Variants in PCDHGA3 observed in about 807,000 individuals in gnomAD.
PCDHGA3 encodes protocadherin gamma-A3.
PCDHGA3 carries 40 observed loss-of-function variants against 58.5 expected under a neutral mutation model. That is an observed-to-expected ratio of 0.68 (90% CI 0.53 to 0.89). The LOEUF is 0.89. Ranked by LOEUF, PCDHGA3 falls within the 40% of genes least tolerant of loss-of-function variation. PCDHGA3 has a pLI of 0.00. For missense variants in PCDHGA3, 1,223 were observed against 1,195.9 expected, an observed-to-expected ratio of 1.02 and a Z score of -0.33; for synonymous variants, 530 against 525.7, an observed-to-expected ratio of 1.01 and a Z score of -0.11.
Position 141,423,156 on chromosome 5 carries a change from CGTG to C in PCDHGA3, c.2425-71646_2425-71644del, listed in dbSNP as rs776903094. On this transcript the variant is annotated intron_variant, in intron 1 of 3. Coordinates refer to ENST00000253812, the MANE Select transcript of PCDHGA3 (RefSeq NM_018916.4). ...ACAGAGACGCGCTCAAGCAGAGCCT[CGTG>C]GTGGCCGTCCAGGACCACGGCCAGC... 8.2e-4 allele frequency: 1,328 copies of C among 1,613,396 alleles called. 15 individuals are homozygous for C. Among genetic ancestry groups the C allele is most frequent in the Admixed American group, 9.5e-4 (57 of 60,016 alleles).
intron 1 of PCDHGA3, chr5:141,427,447 T>A (rs556527924): frequency 1.9e-4 from 92 of 483,324 alleles, no homozygotes; most frequent in African/African-American, 1.4e-3. Context: ...AACGAAAGAG[T>A]TCCTTTTAGA....
At chr5:141,412,133 C>T (rs2095537829) in intron 1 of PCDHGA3, 1 of 152,184 alleles carries the variant, frequency 6.6e-6, no homozygotes, top group African/African-American at 2.4e-5. Flanking sequence ...GGACTTTGGC[C>T]TCTGATACAA....
rs1328089059 is a variant in PCDHGA3, at chr5:141,478,532, G to A, written c.2425-16275G>A. 4.4e-6 allele frequency: 7 copies of A among 1,607,742 alleles called. No homozygotes were observed. The East Asian group carries it at 1.6e-4, about 36-fold the overall frequency. On this transcript the variant is annotated intron_variant, in intron 1 of 3. Coordinates refer to ENST00000253812, the MANE Select transcript of PCDHGA3 (RefSeq NM_018916.4). Reference sequence around the variant, plus strand: ...TAGGCAGGTGTTGGGTGCAGAGAGCGCCCCTCCCGGACAGGTAAGGTTTAG... The same window carrying A: ...TAGGCAGGTGTTGGGTGCAGAGAGCACCCCTCCCGGACAGGTAAGGTTTAG...
rs1199756501 is a variant in PCDHGA3 at position 141,493,222 on chromosome 5, C to A, written c.2425-1585C>A. Among the ~76,000 whole-genome samples the A allele has an allele frequency of 6.6e-6, 1 of 152,194 alleles. No individual in the cohort carries two copies. Among genetic ancestry groups the A allele is most frequent in the East Asian group, 1.9e-4 (1 of 5,196 alleles). ...ACCTCATCTCATTTGCTCTTCCCAC[C>A]ATTGCTGTTGGCTAGGTACTAACAT... On this transcript the variant is annotated intron_variant, in intron 1 of 3. Coordinates refer to ENST00000253812, the MANE Select transcript of PCDHGA3 (RefSeq NM_018916.4). This position sits in a 1 kb window ranked among gnomAD's most constrained non-coding sequence, Gnocchi z 4.3.
chr5:141,384,576 G>GCCCGAGAT (rs1429173266), intron 1 of PCDHGA3: 3 of 1,614,060 alleles, frequency 1.9e-6, no homozygotes, highest in Non-Finnish European at 2.5e-6. Context: ...ATGACAACCC[G>GCCCGAGAT]CCCGAGATCC....
At chr5:141,356,145 T>C (rs1358999264) in intron 1 of PCDHGA3, 3 of 1,613,584 alleles carry the variant, frequency 1.9e-6, no homozygotes, top group Non-Finnish European at 2.5e-6. Context: ...CTGGATTCTA[T>C]GACATAGATG....
intron 1 of PCDHGA3, chr5:141,392,710 C>T: frequency 7.4e-7 from 1 of 1,345,380 alleles, no homozygotes; most frequent in Non-Finnish European, 9.8e-7. Flanking sequence ...TGGAGGCACT[C>T]CAGGTTTCCG....
intron 1 of PCDHGA3, chr5:141,426,221 A>G (rs1279749881): frequency 6.3e-6 from 1 of 158,300 alleles, no homozygotes; most frequent in Non-Finnish European, 1.4e-5. Context: ...GGAAGTAAAT[A>G]TTTTAAAAGC....
intron 1 of PCDHGA3, chr5:141,400,327 G>A: frequency 6.2e-7 from 1 of 1,614,074 alleles, no homozygotes. Context: ...GTCTGGACCT[G>A]TGGTTCCCCC....
intron 1 of PCDHGA3, chr5:141,364,163 A>G (rs1042010311): frequency 7.4e-6 from 5 of 674,008 alleles, no homozygotes; most frequent in African/African-American, 1.9e-5. Context: ...CGCAGAGGCG[A>G]CCCGACTCTG....
rs1233801398 is a variant in PCDHGA3, at chr5:141,431,238, C to T, written c.2425-63569C>T. The stretch of plus-strand genomic sequence containing the variant: ...TTCCCTCTACCCCACGCCTGGGATC[C>T]GGATATCGGGAAGAACTCTCTGCAG... On this transcript the variant is annotated intron_variant, in intron 1 of 3. Coordinates refer to ENST00000253812, the MANE Select transcript of PCDHGA3 (RefSeq NM_018916.4). This position sits in a 1 kb window ranked among gnomAD's most constrained non-coding sequence, Gnocchi z 4.8. The T allele has an allele frequency of 3.7e-6, 6 of 1,614,156 alleles. No homozygotes were observed. Among genetic ancestry groups the T allele is most frequent in the Non-Finnish European group, 8.5e-7 (1 of 1,180,038 alleles).
rs1228153118 is a variant in PCDHGA3 at position 141,433,077 on chromosome 5, C to G, written c.2425-61730C>G. 5.0e-6 allele frequency: 8 copies of G among 1,614,080 alleles called. No homozygotes were observed. The African/African-American group carries it at 6.7e-5, about 13-fold the overall frequency. On this transcript the variant is annotated intron_variant, in intron 1 of 3. Transcript: ENST00000253812. Reference sequence around the variant, plus strand: ...AAGAGTCACCTGATCTTCCCCCAGCCCAACTATGCAGACATGCTCGTCAGC... The same window carrying G: ...AAGAGTCACCTGATCTTCCCCCAGCGCAACTATGCAGACATGCTCGTCAGC...
chr5:141,460,686 C>A (rs2098995566), intron 1 of PCDHGA3, among the ~76,000 whole-genome samples: 1 of 151,698 alleles, frequency 6.6e-6, no homozygotes, highest in Admixed American at 6.6e-5. Context: ...TCTATATATC[C>A]ACCAACAGTT....
chr5:141,351,441 C>G (rs768328873), intron 1 of PCDHGA3: 11 of 1,612,464 alleles, frequency 6.8e-6, no homozygotes, highest in Non-Finnish European at 8.5e-6. Flanking sequence ...GAATCCACCT[C>G]GAAGAATTAT....
intron 1 of PCDHGA3, chr5:141,393,188 T>C: frequency 6.2e-7 from 1 of 1,613,358 alleles, no homozygotes; most frequent in South Asian, 1.1e-5. Context: ...AAATAATTGA[T>C]ATTAACGATA....
At chr5:141,374,195 G>A in intron 1 of PCDHGA3, 1 of 1,613,870 alleles carries the variant, frequency 6.2e-7, no homozygotes, top group Non-Finnish European at 8.5e-7. Context: ...TATTCCCGAG[G>A]AGCTGGAGAA....
intron 1 of PCDHGA3, among the ~76,000 whole-genome samples, chr5:141,463,438 CTTTTT>C (rs71576115): frequency 7.7e-5 from 8 of 103,256 alleles, no homozygotes; most frequent in African/African-American, 2.7e-4. Flanking sequence ...TTTCCTTCTC[CTTTTT>C]TTTTTTTTTT....
At chr5:141,360,636 A>G (rs550512719) in intron 1 of PCDHGA3, 9 of 1,614,030 alleles carry the variant, frequency 5.6e-6, no homozygotes, top group Admixed American at 5.0e-5. Context: ...CTAACTCACT[A>G]CAAAGATACC....
chr5:141,383,036 G>A, intron 1 of PCDHGA3: 1 of 1,613,876 alleles, frequency 6.2e-7, no homozygotes, highest in Non-Finnish European at 8.5e-7. Flanking sequence ...TCCTTTGTGG[G>A]AGACATCGCC....
Sources: allele counts gnomAD v4.1 joint callset (sites outside exome capture counted in the v4.1 genomes callset), GRCh38; gene constraint gnomAD v4.1.1; non-coding constraint Gnocchi (gnomAD v3.1); transcripts MANE v1.5; gene names NCBI Gene and HGNC (gene_info 2026-07-23, HGNC 2026-07-21).